The following CEP57 variants were observed in gnomAD, a reference collection of about 807,000 sequenced individuals.
CEP57 encodes the protein centrosomal protein of 57 kDa.
A neutral mutation model predicts 68.0 loss-of-function variants in CEP57; 40 were observed. That is an observed-to-expected ratio of 0.59 (90% confidence interval 0.46 to 0.77). CEP57 has a LOEUF of 0.77. Ranked by LOEUF, CEP57 falls within the 30% of genes least tolerant of loss-of-function variation. The pLI is 0.00. For missense variants in CEP57, 606 were observed against 580.7 expected, an observed-to-expected ratio of 1.04 and a Z score of -0.45; for synonymous variants, 219 against 198.7, an observed-to-expected ratio of 1.10 and a Z score of -0.86.
At chr11:95,810,246 A>G (rs1271691462) in intron 2 of CEP57, among the ~76,000 whole-genome samples, 1 of 152,244 alleles carries the variant, frequency 6.6e-6, no homozygotes, top group Non-Finnish European at 1.5e-5. Context: ...CCAATATCAT[A>G]CTGAATGAGC....
At chr11:95,822,436 G>A (rs951046260) in intron 7 of CEP57, 63 bp from the exon 8 acceptor site, 37 of 1,278,714 alleles carry the variant, frequency 2.9e-5, no homozygotes, top group Non-Finnish European at 4.1e-5. Flanking sequence ...AGTTAGTCAT[G>A]TATAGTCAGT....
intron 1 of CEP57, chr11:95,795,454 A>G (rs1861299751): frequency 9.3e-6 from 4 of 428,040 alleles, no homozygotes; most frequent in East Asian, 3.5e-5. Flanking sequence ...TTTAGTCATG[A>G]TACGAAATTG....
At chr11:95,793,914 TA>T (rs1406161708) in intron 1 of CEP57, among the ~76,000 whole-genome samples, 3 of 152,172 alleles carry the variant, frequency 2.0e-5, no homozygotes, top group Non-Finnish European at 4.4e-5. Flanking sequence ...GTTCTCGAAG[TA>T]TGGTCTCACA....
chr11:95,796,029 C>T (rs1175000544), intron 1 of CEP57, among the ~76,000 whole-genome samples: 1 of 152,204 alleles, frequency 6.6e-6, no homozygotes, highest in African/African-American at 2.4e-5. Flanking sequence ...CTGTTGAATG[C>T]ATCTGAATTT....
Position 95,831,281 on chromosome 11 carries a change from T to C in CEP57, c.*25T>C, listed in dbSNP as rs1364918575. ...ACTCATAACCAGGTCAGAAATTTTA[T>C]TCAGATAATCTGTACCTCATCAATC... On this transcript the variant is annotated 3_prime_UTR_variant, in exon 11 of 11. Coordinates refer to ENST00000325542, the MANE Select transcript of CEP57 (RefSeq NM_014679.5). 1 of 1,503,094 alleles carries C rather than the reference T, an allele frequency of 6.7e-7. No homozygotes were observed. Among genetic ancestry groups the C allele is most frequent in the East Asian group, 2.3e-5 (1 of 43,878 alleles). The allele number at this position is 1,503,094 out of a possible 1,614,324, so 93.1% of individuals were successfully genotyped here. A position where few individuals can be genotyped will look rare whatever the true frequency, so the allele number is the denominator to read the frequency against.
At chr11:95,811,989 T>A (rs987744987) in intron 2 of CEP57, among the ~76,000 whole-genome samples, 1 of 152,192 alleles carries the variant, frequency 6.6e-6, no homozygotes, top group Non-Finnish European at 1.5e-5. Context: ...AGGAAAAAAT[T>A]TAAATAACCA....
At chr11:95,795,842 C>G (rs1861320466) in intron 1 of CEP57, among the ~76,000 whole-genome samples, 1 of 152,142 alleles carries the variant, frequency 6.6e-6, no homozygotes. Flanking sequence ...ATTTCCTCAA[C>G]ATGTGTACAC....
At chr11:95,795,943 G>A (rs1861328643) in intron 1 of CEP57, among the ~76,000 whole-genome samples, 1 of 152,052 alleles carries the variant, frequency 6.6e-6, no homozygotes. Context: ...CAGAATACAT[G>A]TCAATCTACA....
chr11:95,796,858 G>A (rs948488037), intron 1 of CEP57, among the ~76,000 whole-genome samples: 1 of 152,144 alleles, frequency 6.6e-6, no homozygotes, highest in African/African-American at 2.4e-5. Context: ...AGGAAAGACT[G>A]TTCTTAAGCA....
chr11:95,799,044 T>C (rs1478758073), intron 1 of CEP57, among the ~76,000 whole-genome samples, 188 bp from the exon 2 acceptor site: 1 of 152,262 alleles, frequency 6.6e-6, no homozygotes, highest in East Asian at 1.9e-4. Context: ...GGCATATGGC[T>C]ATATTCAGAC....
chr11:95,827,237 T>TA (rs1487828557), intron 8 of CEP57: 3 of 153,432 alleles, frequency 2.0e-5, no homozygotes, highest in African/African-American at 7.2e-5. Flanking sequence ...TGCTTCCTAT[T>TA]ATTCCAGGAT....
Position 95,790,646 on chromosome 11 carries a change from A to G in CEP57, c.-53A>G, listed in dbSNP as rs1134795. 0.043 allele frequency: 68,912 copies of G among 1,600,460 alleles called. 1,855 individuals carry two copies. The highest frequency in any genetic ancestry group is 0.094 in the African/African-American group (7,021 of 74,828). ...CGGCTCCCGAGTCTTGGAGAAGAGC[A>G]CGAGAACCTAGACCGCCCCCGAAGT... is the stretch of plus-strand genomic sequence containing the variant. On this transcript the variant is annotated 5_prime_UTR_variant, in exon 1 of 11. Transcript: ENST00000325542.
intron 2 of CEP57, among the ~76,000 whole-genome samples, chr11:95,804,124 A>G (rs1861694653): frequency 2.6e-5 from 4 of 152,236 alleles, no homozygotes; most frequent in African/African-American, 2.4e-5. Context: ...TCAAAAGCCA[A>G]TATATGCTTT....
At chr11:95,794,569 A>AT (rs1861253463) in intron 1 of CEP57, among the ~76,000 whole-genome samples, 1 of 149,964 alleles carries the variant, frequency 6.7e-6, no homozygotes, top group Non-Finnish European at 1.5e-5. Context: ...AACCTTTACT[A>AT]GTGTGTGTGT....
intron 2 of CEP57, 34 bp downstream of exon 2, chr11:95,799,422 GT>G (rs201641436): frequency 0.024 from 38,016 of 1,612,060 alleles, 581 homozygotes; most frequent in Non-Finnish European, 0.029. Context: ...TGTTATTTGT[GT>G]TTTCTTGCTG....
chr11:95,827,793 G>A lies in CEP57; in HGVS notation c.893G>A (p.Ser298Asn). The A allele has an allele frequency of 6.2e-7, 1 of 1,613,970 alleles. No individual in the cohort carries two copies. Among genetic ancestry groups the A allele is most frequent in the Non-Finnish European group, 8.5e-7 (1 of 1,179,968 alleles). The change falls in exon 9 of 11, where the codon AGC (serine) becomes AAC (asparagine). Residue 298 changes from serine to asparagine, a missense_variant. Coordinates refer to ENST00000325542, the MANE Select transcript of CEP57 (RefSeq NM_014679.5). ...TCATTTTTCTTCCTTTAGTCCACAA[G>A]CCCTAGCCATGCCGTGGTAGCCAAT... Reference protein sequence around the residue: ...DMPFVAGKSTSPSHAVVANVQ... With the variant: ...DMPFVAGKSTNPSHAVVANVQ...
chr11:95,829,683 A>C (rs534830641), intron 10 of CEP57, among the ~76,000 whole-genome samples: 2 of 152,352 alleles, frequency 1.3e-5, no homozygotes, highest in East Asian at 3.9e-4. Flanking sequence ...TACATTAAAT[A>C]TGTGAAATAT....
Position 95,796,612 on chromosome 11 carries a change from T to A in CEP57, c.46-2620T>A, listed in dbSNP as rs143817807. Reference sequence around the variant, plus strand: ...ACAGATTTATTGAACATAATAAAACTCCTTTATTAGAACTTAATTTCTCCA... The same window carrying A: ...ACAGATTTATTGAACATAATAAAACACCTTTATTAGAACTTAATTTCTCCA... On this transcript the variant is annotated intron_variant, in intron 1 of 10. Transcript: ENST00000325542. Among the ~76,000 whole-genome samples, 13 of 152,272 alleles carry A rather than the reference T, an allele frequency of 8.5e-5. No individual in the cohort carries two copies. In the East Asian group the frequency reaches 2.3e-3, roughly 27 times the overall value.
At chr11:95,794,569 AGT>A (rs111888918) in intron 1 of CEP57, among the ~76,000 whole-genome samples, 21 of 149,876 alleles carry the variant, frequency 1.4e-4, no homozygotes, top group Non-Finnish European at 6.0e-5. Context: ...AACCTTTACT[AGT>A]GTGTGTGTGT....
Sources: gnomAD v4.1 joint callset for allele counts (sites outside exome capture counted in the v4.1 genomes callset) on GRCh38, gnomAD v4.1.1 for gene constraint, MANE v1.5 for transcripts, NCBI Gene and HGNC (gene_info 2026-07-23, HGNC 2026-07-21) for gene names.